The following TLE3 variants were observed in gnomAD, a reference collection of about 807,000 sequenced individuals.
TLE3 encodes TLE family member 3, transcriptional corepressor, also known as transducin-like enhancer protein 3.
TLE3 carries 14 observed loss-of-function variants against 93.0 expected under a neutral mutation model. That is an observed-to-expected ratio of 0.15 (90% CI 0.10 to 0.24). TLE3 has a LOEUF of 0.24. Ranked by LOEUF, TLE3 falls within the 10% of genes least tolerant of loss-of-function variation. The probability of loss-of-function intolerance (pLI) is 1.00; values close to 1 mark genes in which losing one functional copy is unlikely to be tolerated. For missense variants in TLE3, 693 were observed against 1,046.6 expected, an observed-to-expected ratio of 0.66 and a Z score of 4.66; for synonymous variants, 451 against 425.0, an observed-to-expected ratio of 1.06 and a Z score of -0.75.
At chr15:70,076,244 C>G in intron 4 of TLE3, 86 bp from the exon 5 acceptor site, 1 of 1,258,098 alleles carries the variant, frequency 7.9e-7, no homozygotes, top group Non-Finnish European at 1.2e-6. Flanking sequence ...GCAAACTCCC[C>G]CCAGACCACA....
intron 4 of TLE3, among the ~76,000 whole-genome samples, chr15:70,077,539 C>A (rs999522269): frequency 6.6e-6 from 1 of 152,242 alleles, no homozygotes; most frequent in Non-Finnish European, 1.5e-5. Flanking sequence ...TGGGCTAACA[C>A]CCTCCACCCC....
chr15:70,058,935 C>T lies in TLE3; in HGVS notation c.766-120G>A. On this transcript the variant is annotated intron_variant, in intron 10 of 19. Coordinates refer to ENST00000451782, the MANE Select transcript of TLE3 (RefSeq NM_001105192.3). The surrounding 1 kb of genome is among the most constrained non-coding windows in gnomAD (Gnocchi z 4.1). ...TGGGAAGACGAGCTTGGCTGAAAGA[C>T]TGGGGGCCCCACAGTGAGGAAAAAC... is the stretch of plus-strand genomic sequence containing the variant. 2.2e-6 allele frequency: 3 copies of T among 1,353,188 alleles called. No homozygotes were observed. Among genetic ancestry groups the T allele is most frequent in the Non-Finnish European group, 2.9e-6 (3 of 1,029,490 alleles). The allele number at this position is 1,353,188 out of a possible 1,614,324, so 83.8% of individuals were successfully genotyped here.
chr15:70,057,539 T>C lies in TLE3; in HGVS notation c.1171A>G (p.Asn391Asp), dbSNP rs1208082317. Residue 391 changes from asparagine (N) to aspartate (D), a missense_variant, in exon 13 of 20, where the codon AAC (asparagine) becomes GAC (aspartate). By Grantham distance (23) the Asn-to-Asp change is conservative (BLOSUM62 1). Around this residue, in one of 4 missense-constraint regions of TLE3, gnomAD observed 405 missense variants for 468.9 expected, o/e 0.86. Coordinates refer to ENST00000451782, the MANE Select transcript of TLE3 (RefSeq NM_001105192.3). ...GCGGCGCTCATCTGGGGTGGGATGT[T>C]GTGGAGGCCGGCGTAGGCGCCAGGA... ...TSPGAYAGLHNIPPQMSAAAA... is the reference protein window; with the variant it reads ...TSPGAYAGLHDIPPQMSAAAA... The C allele has an allele frequency of 1.9e-6, 3 of 1,606,386 alleles. No individual in the cohort carries two copies. The highest frequency in any genetic ancestry group is 2.7e-5 in the African/African-American group (2 of 74,840).
Position 70,095,448 on chromosome 15 carries a change from T to C in TLE3, c.189+130A>G, listed in dbSNP as rs768781476. The stretch of plus-strand genomic sequence containing the variant: ...GGAAGGGGAGGGCAAGACCAGATTA[T>C]GCCCTCTCTCAGGGCCGCCCTGCGG... On this transcript the variant is annotated intron_variant, in intron 3 of 19. Transcript: ENST00000451782. 1.8e-5 allele frequency: 28 copies of C among 1,540,972 alleles called. 1 individual carries two copies. The South Asian group carries it at 2.8e-4, about 15-fold the overall frequency.
chr15:70,079,490 C>A, intron 4 of TLE3: 1 of 474,330 alleles, frequency 2.1e-6, no homozygotes, highest in East Asian at 7.0e-5. Context: ...CACATCCCAT[C>A]CCTCCCAGCT....
At chr15:70,055,585 T>G in intron 14 of TLE3, 88 of 325,178 alleles carry the variant, frequency 2.7e-4, no homozygotes, top group Middle Eastern at 8.5e-4. Flanking sequence ...GATCCATACA[T>G]TCCCCCAACA....
rs757572236 is a variant in TLE3 at position 70,058,865 on chromosome 15, G to A, written c.766-50C>T. 1.0e-5 allele frequency: 15 copies of A among 1,497,852 alleles called. No individual in the cohort carries two copies. The highest frequency in any genetic ancestry group is 2.7e-5 in the South Asian group (2 of 73,740). The allele number at this position is 1,497,852 out of a possible 1,614,324, so 92.8% of individuals were successfully genotyped here. A position where few individuals can be genotyped will look rare whatever the true frequency, so the allele number is the denominator to read the frequency against. On this transcript the variant is annotated intron_variant, in intron 10 of 19. Transcript: ENST00000451782. This position sits in a 1 kb window ranked among gnomAD's most constrained non-coding sequence, Gnocchi z 4.1. ...TGCACTGAAAGCAACAGCCAGCCTC[G>A]AGGCTTCCCTGCTCTGGGAGTGGGA...
At chr15:70,089,137 C>A (rs1405115347) in intron 4 of TLE3, among the ~76,000 whole-genome samples, 1 of 152,240 alleles carries the variant, frequency 6.6e-6, no homozygotes, top group Non-Finnish European at 1.5e-5. Context: ...CCTGGAGGGG[C>A]CTCGGCTGCC....
chr15:70,074,465 G>A, intron 6 of TLE3, 68 bp downstream of exon 6: 1 of 1,542,996 alleles, frequency 6.5e-7, no homozygotes, highest in Non-Finnish European at 8.8e-7. Flanking sequence ...TCAATCTCTG[G>A]TTATGATAAA....
intron 2 of TLE3, 173 bp downstream of exon 2, chr15:70,095,988 G>A (rs1352682972): frequency 3.7e-6 from 3 of 803,546 alleles, no homozygotes; most frequent in Non-Finnish European, 3.8e-6. Flanking sequence ...GGCTGCTGCG[G>A]GCAGTAAAGG....
rs935636420 is a variant in TLE3 at position 70,096,923 on chromosome 15, C to A, written c.-125G>T. 8.5e-6 allele frequency: 9 copies of A among 1,064,794 alleles called. No individual in the cohort carries two copies. The highest frequency in any genetic ancestry group is 3.3e-5 in the African/African-American group (2 of 61,218). The allele number at this position is 1,064,794 out of a possible 1,614,324, so 66.0% of individuals were successfully genotyped here. On this transcript the variant is annotated 5_prime_UTR_variant, in exon 1 of 20. Coordinates refer to ENST00000451782, the MANE Select transcript of TLE3 (RefSeq NM_001105192.3). ...GGGAAACCGAGAGCTCGCCCCCGGC[C>A]CCCCCAGCTCGTTCTCGCAGCGAAA... is the stretch of plus-strand genomic sequence containing the variant.
chr15:70,084,832 G>C (rs985269662), intron 4 of TLE3, among the ~76,000 whole-genome samples: 6 of 152,288 alleles, frequency 3.9e-5, no homozygotes, highest in Non-Finnish European at 7.3e-5. Context: ...CTCTATGTCT[G>C]AGGCCTTGAC....
chr15:70,095,640 G>C lies in TLE3; in HGVS notation c.127C>G (p.Leu43Val). 1 of 1,551,482 alleles carries C rather than the reference G, an allele frequency of 6.4e-7. No homozygotes were observed. The highest frequency in any genetic ancestry group is 2.4e-5 in the East Asian group (1 of 40,888). ...GCCAGCTTGTCGTACTCCACTTTGA[G>C]GCTGCGAGGGCAGGAGGAGCCGGCT... Reference protein sequence around the residue: ...FQFLQAQYHSLKVEYDKLANE... With the variant: ...FQFLQAQYHSVKVEYDKLANE... Residue 43 changes from leucine to valine, a missense_variant and splice_region_variant, in exon 3 of 20, where the codon CTC (leucine) becomes GTC (valine). Around this residue, in one of 4 missense-constraint regions of TLE3, gnomAD observed 104 missense variants for 173.8 expected, o/e 0.60. Transcript: ENST00000451782.
At position 70,066,055 on chromosome 15, in the gene TLE3, G is replaced by A. The variant is rs199583327; in HGVS notation, c.536C>T (p.Thr179Met). ...ATGGTGGTTCTTCTCATCCTTCACCGTCAGATGGGCCTGGCTGCCCAGGGC... is the reference window on the plus strand; with the variant it reads ...ATGGTGGTTCTTCTCATCCTTCACCATCAGATGGGCCTGGCTGCCCAGGGC... The part of the protein sequence containing the change: ...LGALGSQAHL[T>M]VKDEKNHHEL... The change falls in exon 7 of 20, where the codon ACG becomes ATG. Residue 179 changes from threonine to methionine, a missense_variant. Coordinates refer to ENST00000451782, the MANE Select transcript of TLE3 (RefSeq NM_001105192.3). 285 of 1,417,954 alleles carry A rather than the reference G, an allele frequency of 2.0e-4. 1 individual carries two copies. Among genetic ancestry groups the A allele is most frequent in the Non-Finnish European group, 6.9e-5 (73 of 1,056,816 alleles). The allele number at this position is 1,417,954 out of a possible 1,614,324, so 87.8% of individuals were successfully genotyped here.
Position 70,093,505 on chromosome 15 carries a change from G to C in TLE3, c.234+1027C>G, listed in dbSNP as rs560209348. Among the ~76,000 whole-genome samples the C allele has an allele frequency of 8.4e-4, 128 of 152,352 alleles. 2 individuals carry two copies. The highest frequency in any genetic ancestry group is 7.3e-5 in the Non-Finnish European group (5 of 68,040). On this transcript the variant is annotated intron_variant, in intron 4 of 19. Coordinates refer to ENST00000451782, the MANE Select transcript of TLE3 (RefSeq NM_001105192.3). ...TTCAAGTCACGGTCACCAAAGGCTA[G>C]AATGAGTCAACAGCCTTCTGAGATT... is the stretch of plus-strand genomic sequence containing the variant.
chr15:70,052,566 T>C (rs2055645171), intron 17 of TLE3, 42 bp from the exon 18 acceptor site: 1 of 1,593,944 alleles, frequency 6.3e-7, no homozygotes. Flanking sequence ...CTCAGCATTC[T>C]CTGCCCTCAA....
At chr15:70,090,285 C>T (rs910538621) in intron 4 of TLE3, among the ~76,000 whole-genome samples, 1 of 151,630 alleles carries the variant, frequency 6.6e-6, no homozygotes, top group African/African-American at 2.4e-5. Context: ...AGACAGATAC[C>T]AGGGCATGGG....
At chr15:70,092,174 C>T (rs948317303) in intron 4 of TLE3, among the ~76,000 whole-genome samples, 4 of 152,174 alleles carry the variant, frequency 2.6e-5, no homozygotes, top group African/African-American at 7.2e-5. Context: ...AACCACCATT[C>T]GCCAAATGCA....
intron 19 of TLE3, 85 bp from the exon 20 acceptor site, chr15:70,050,289 C>T: frequency 9.5e-7 from 1 of 1,055,086 alleles, no homozygotes; most frequent in Non-Finnish European, 1.5e-6. Flanking sequence ...CAGTGCTCAA[C>T]ACCATCTCGG....
Sources: allele counts gnomAD v4.1 joint callset (sites outside exome capture counted in the v4.1 genomes callset), GRCh38; gene constraint gnomAD v4.1.1; regional missense constraint gnomAD v4.1.1; non-coding constraint Gnocchi (gnomAD v3.1); transcripts MANE v1.5; gene names NCBI Gene and HGNC (gene_info 2026-07-23, HGNC 2026-07-21).